The following ASTN2 variants were observed in gnomAD, a reference collection of about 807,000 sequenced individuals.
The protein encoded by ASTN2 is astrotactin 2.
A neutral mutation model predicts 139.8 loss-of-function variants in ASTN2; 54 were observed. The observed-to-expected ratio is 0.39, with a 90% confidence interval of 0.31 to 0.48. ASTN2 has a LOEUF of 0.48. ASTN2 is among the 20% of genes least tolerant of loss of function. The pLI is 0.95. For missense variants in ASTN2, 1,565 were observed against 1,725.1 expected (o/e 0.91, Z 1.64); for synonymous variants, 756 against 719.5 (o/e 1.05, Z -0.81).
chr9:116,607,825 G>C (rs1855293842), intron 19 of ASTN2, among the ~76,000 whole-genome samples: 1 of 152,076 alleles, frequency 6.6e-6, no homozygotes, highest in Non-Finnish European at 1.5e-5. Flanking sequence ...GCCAGGCATG[G>C]TGGCACGCAC....
At chr9:117,175,304 A>G (rs1830890094) in intron 3 of ASTN2, among the ~76,000 whole-genome samples, 1 of 152,174 alleles carries the variant, frequency 6.6e-6, no homozygotes, top group African/African-American at 2.4e-5. Flanking sequence ...TCATAGCCAT[A>G]CAAGAAGGCT....
intron 2 of ASTN2, among the ~76,000 whole-genome samples, chr9:117,228,552 C>T (rs575270949): frequency 6.6e-6 from 1 of 152,070 alleles, no homozygotes; most frequent in Admixed American, 6.6e-5. Flanking sequence ...ATAAGATGCC[C>T]ATCAATGAGA....
chr9:116,957,203 C>G (rs989279569), intron 10 of ASTN2, among the ~76,000 whole-genome samples: 2 of 152,104 alleles, frequency 1.3e-5, no homozygotes, highest in Non-Finnish European at 2.9e-5. Context: ...CTCAGTCTCT[C>G]TTTCTCTCTA....
At chr9:116,931,028 A>C (rs987604532) in intron 10 of ASTN2, among the ~76,000 whole-genome samples, 98 of 152,022 alleles carry the variant, frequency 6.4e-4, no homozygotes, top group African/African-American at 2.3e-3. Flanking sequence ...GCCAAGTGAC[A>C]TCTTCGACCT....
intron 10 of ASTN2, among the ~76,000 whole-genome samples, chr9:116,867,929 C>T (rs1403489754): frequency 1.3e-5 from 2 of 152,164 alleles, no homozygotes; most frequent in Non-Finnish European, 2.9e-5. Flanking sequence ...TTTCTTAACT[C>T]GGGGGCTCAA....
chr9:116,802,578 G>A (rs980125379), intron 13 of ASTN2, among the ~76,000 whole-genome samples: 4 of 152,176 alleles, frequency 2.6e-5, no homozygotes, highest in African/African-American at 4.8e-5. Context: ...TACCCATGTG[G>A]ATCCTTCTTT....
At chr9:117,086,481 G>A (rs762902402) in intron 5 of ASTN2, among the ~76,000 whole-genome samples, 4 of 152,270 alleles carry the variant, frequency 2.6e-5, no homozygotes, top group Non-Finnish European at 2.9e-5. Flanking sequence ...GGCTGAGGCA[G>A]GAGAATCGCT....
At chr9:117,112,083 A>G (rs1482758726) in intron 4 of ASTN2, among the ~76,000 whole-genome samples, 1 of 152,068 alleles carries the variant, frequency 6.6e-6, no homozygotes, top group Non-Finnish European at 1.5e-5. Context: ...ATGTTTAAGA[A>G]AAGGTATGCA....
chr9:117,294,759 A>G (rs969920414), intron 1 of ASTN2, among the ~76,000 whole-genome samples: 1 of 152,092 alleles, frequency 6.6e-6, no homozygotes, highest in African/African-American at 2.4e-5. Flanking sequence ...CCCCTTCTTC[A>G]CACACTCCAT....
At chr9:117,216,965 G>A (rs573842294) in intron 2 of ASTN2, among the ~76,000 whole-genome samples, 33 of 152,268 alleles carry the variant, frequency 2.2e-4, no homozygotes, top group Admixed American at 2.2e-3. Flanking sequence ...ACTCAGAGAA[G>A]TAAGTAACTA....
Position 116,614,394 on chromosome 9 carries a change from A to C in ASTN2, c.3355+3930T>G, listed in dbSNP as rs555486419. Among the ~76,000 whole-genome samples, 243 of 152,308 alleles carry C rather than the reference A, an allele frequency of 1.6e-3. 1 individual carries two copies. Among genetic ancestry groups the C allele is most frequent in the African/African-American group, 5.6e-3 (232 of 41,566 alleles). On this transcript the variant is annotated intron_variant, in intron 19 of 22. Coordinates refer to ENST00000313400, the MANE Select transcript of ASTN2 (RefSeq NM_001365068.1). ...CTACTTTAAAGTTCATATGGAACCA[A>C]AAAAGAGCCCACATTGCCAAGACAA...
chr9:116,672,116 G>A (rs1859232347), intron 16 of ASTN2, among the ~76,000 whole-genome samples: 1 of 152,148 alleles, frequency 6.6e-6, no homozygotes, highest in Admixed American at 6.5e-5. Flanking sequence ...ACTCATACCT[G>A]TAATCCTAGC....
chr9:117,345,480 T>C (rs1435045477), intron 1 of ASTN2, among the ~76,000 whole-genome samples: 1 of 152,162 alleles, frequency 6.6e-6, no homozygotes, highest in Non-Finnish European at 1.5e-5. Context: ...ACCGTAATCC[T>C]GCAATGATAG....
chr9:116,840,106 T>C (rs939305082), intron 11 of ASTN2, among the ~76,000 whole-genome samples: 1 of 148,544 alleles, frequency 6.7e-6, no homozygotes, highest in African/African-American at 2.5e-5. Context: ...TTCAAGCATC[T>C]GTTTAACAAA....
chr9:116,866,942 CAA>C (rs1405185128), intron 10 of ASTN2, among the ~76,000 whole-genome samples: 1 of 134,634 alleles, frequency 7.4e-6, no homozygotes, highest in African/African-American at 2.8e-5. Flanking sequence ...AGTGAGAGAA[CAA>C]GAGATAAACA....
chr9:116,478,221 G>GGGGAGGAAGGGGGGA (rs1849052966), intron 20 of ASTN2, among the ~76,000 whole-genome samples: 1 of 107,962 alleles, frequency 9.3e-6, no homozygotes, highest in Non-Finnish European at 1.9e-5. Context: ...AGGGGTAGTG[G>GGGGAGGAAGGGGGGA]GGGAGTAAGG....
intron 19 of ASTN2, among the ~76,000 whole-genome samples, chr9:116,543,327 T>C (rs1309231995): frequency 6.6e-6 from 1 of 151,218 alleles, no homozygotes; most frequent in Non-Finnish European, 1.5e-5. Flanking sequence ...GTCCCAGCTA[T>C]TCTGAAGGCT....
chr9:116,871,051 G>C (rs1484205907), intron 10 of ASTN2, among the ~76,000 whole-genome samples: 1 of 152,120 alleles, frequency 6.6e-6, no homozygotes, highest in Non-Finnish European at 1.5e-5. Flanking sequence ...GAGGCCAGGA[G>C]ATCGAGACCA....
At chr9:117,183,729 T>C (rs1020535397) in intron 3 of ASTN2, among the ~76,000 whole-genome samples, 14 of 152,206 alleles carry the variant, frequency 9.2e-5, no homozygotes, top group African/African-American at 3.4e-4. Flanking sequence ...GATACCTTGG[T>C]TGAAGACTTT....
Sources: gnomAD v4.1 joint callset for allele counts (sites outside exome capture counted in the v4.1 genomes callset) on GRCh38, gnomAD v4.1.1 for gene constraint, MANE v1.5 for transcripts, NCBI Gene and HGNC (gene_info 2026-07-23, HGNC 2026-07-21) for gene names.